Variants in CHL1 observed in about 807,000 individuals in gnomAD.
CHL1 encodes cell adhesion molecule L1 like, also known as neural cell adhesion molecule L1-like protein.
Under a neutral mutation model 141.9 loss-of-function variants are expected in CHL1, and 96 were observed. That is an observed-to-expected ratio of 0.68 (90% CI 0.57 to 0.80). The LOEUF (loss-of-function observed/expected upper bound fraction) is 0.80. CHL1 is among the 30% of genes least tolerant of loss of function. The pLI, the probability that CHL1 is intolerant of heterozygous loss-of-function variation, is 0.00. For synonymous variants in CHL1, 613 were observed against 502.2 expected (o/e 1.22, Z -2.95); for missense variants, 1,820 against 1,457.2 (o/e 1.25, Z -4.05).
intron 2 of CHL1, among the ~76,000 whole-genome samples, chr3:293,698 C>T (rs543991946): frequency 2.0e-4 from 31 of 152,198 alleles, no homozygotes; most frequent in African/African-American, 6.5e-4. Context: ...GTCAAAGATT[C>T]CAAATGATGA....
chr3:311,726 AG>A (rs1699769356), intron 2 of CHL1, among the ~76,000 whole-genome samples: 1 of 152,170 alleles, frequency 6.6e-6, no homozygotes, highest in Admixed American at 6.5e-5. Flanking sequence ...AAATGTGAAA[AG>A]TGGTTACCTG....
At chr3:294,789 C>T (rs564399200) in intron 2 of CHL1, among the ~76,000 whole-genome samples, 10 of 152,270 alleles carry the variant, frequency 6.6e-5, no homozygotes, top group African/African-American at 1.9e-4. Context: ...AAACTGCGGT[C>T]GACCACAATT....
At chr3:234,847 G>T (rs553983405) in intron 1 of CHL1, among the ~76,000 whole-genome samples, 34 of 152,224 alleles carry the variant, frequency 2.2e-4, no homozygotes, top group Non-Finnish European at 4.0e-4. Context: ...AATAAACAAA[G>T]ACCCTTTGTA....
chr3:346,379 G>A (rs939194269), intron 9 of CHL1, among the ~76,000 whole-genome samples: 2 of 152,128 alleles, frequency 1.3e-5, no homozygotes, highest in African/African-American at 4.8e-5. Context: ...CTGCTCTACT[G>A]GTTGTATTTG....
intron 11 of CHL1, among the ~76,000 whole-genome samples, chr3:356,075 A>G (rs1426833471): frequency 2.6e-5 from 4 of 152,218 alleles, no homozygotes; most frequent in Non-Finnish European, 5.9e-5. Context: ...TTGTTTTCCC[A>G]TAACAGACAC....
At chr3:367,088 A>G (rs1036405326) in intron 15 of CHL1, among the ~76,000 whole-genome samples, 2 of 152,256 alleles carry the variant, frequency 1.3e-5, no homozygotes, top group Admixed American at 1.3e-4. Context: ...GAAAGTGTGA[A>G]TGGATGCTTA....
intron 1 of CHL1, among the ~76,000 whole-genome samples, chr3:212,559 C>T (rs1211670111): frequency 2.0e-5 from 3 of 152,180 alleles, no homozygotes; most frequent in Admixed American, 6.5e-5. Context: ...CATGTCACCG[C>T]TAAAATCCCC....
chr3:235,698 G>C (rs1691900859), intron 1 of CHL1, among the ~76,000 whole-genome samples: 1 of 152,052 alleles, frequency 6.6e-6, no homozygotes, highest in Non-Finnish European at 1.5e-5. Flanking sequence ...ATCTCTATTT[G>C]CATTAGAAAG....
intron 12 of CHL1, 133 bp from the exon 13 acceptor site, chr3:361,566 A>G (rs1704254394): frequency 1.3e-5 from 8 of 604,972 alleles, no homozygotes; most frequent in Admixed American, 2.7e-5. Flanking sequence ...GGATACTTCT[A>G]TAATTCAAAA....
chr3:222,251 C>A (rs1195458573), intron 1 of CHL1, among the ~76,000 whole-genome samples: 1 of 152,146 alleles, frequency 6.6e-6, no homozygotes, highest in African/African-American at 2.4e-5. Context: ...TCTAGAAGCT[C>A]TAGGGGAGAA....
rs1360070769 is a variant in CHL1 at position 342,088 on chromosome 3, T to A, written c.679+6T>A. 1 of 1,599,644 alleles carries A rather than the reference T, an allele frequency of 6.3e-7. No homozygotes were observed. The highest frequency in any genetic ancestry group is 8.6e-7 in the Non-Finnish European group (1 of 1,168,774). On this transcript the variant is annotated splice_donor_region_variant and intron_variant, in intron 7 of 27. Transcript: ENST00000256509. ...GAAACTAACAGTTAACAGTTGTAAG[T>A]CCACATAATTTATCGTTTCATCATG...
chr3:214,572 C>G (rs954163874), intron 1 of CHL1, among the ~76,000 whole-genome samples: 1 of 152,094 alleles, frequency 6.6e-6, no homozygotes, highest in Non-Finnish European at 1.5e-5. Context: ...CTATTTTATA[C>G]ATTGCATTTT....
chr3:394,204 T>C (rs1003316978), intron 23 of CHL1, among the ~76,000 whole-genome samples: 1 of 152,204 alleles, frequency 6.6e-6, no homozygotes, highest in African/African-American at 2.4e-5. Flanking sequence ...ATTCTATGTA[T>C]ACTGAGTAGC....
At chr3:197,768 CG>C (rs1698490136) in intron 1 of CHL1, 2 of 455,506 alleles carry the variant, frequency 4.4e-6, no homozygotes, top group South Asian at 3.1e-5. Context: ...GAGGGCGCGC[CG>C]GGGGCCGTGG....
intron 11 of CHL1, among the ~76,000 whole-genome samples, chr3:359,851 G>A (rs942356143): frequency 3.3e-5 from 5 of 152,176 alleles, no homozygotes; most frequent in Admixed American, 2.6e-4. Flanking sequence ...GAACAAAAGC[G>A]TCAAGGGGGA....
intron 2 of CHL1, chr3:246,586 TTCCTCCCAGAATACCCAA>T (rs1358697954): frequency 6.6e-6 from 1 of 152,078 alleles, no homozygotes; most frequent in Non-Finnish European, 1.5e-5. Flanking sequence ...GTTTGGAAAT[TTCCTCCCAGAATACCCAA>T]CCTCTCAAGA....
intron 15 of CHL1, among the ~76,000 whole-genome samples, chr3:372,591 C>T (rs1030711840): frequency 1.3e-5 from 2 of 152,100 alleles, no homozygotes; most frequent in East Asian, 3.9e-4. Context: ...ATTACCCATC[C>T]TCTGAAGCCT....
intron 9 of CHL1, 106 bp downstream of exon 9, chr3:344,815 C>T (rs539750702): frequency 3.3e-6 from 4 of 1,211,146 alleles, no homozygotes; most frequent in Non-Finnish European, 4.6e-6. Flanking sequence ...AAAATTATTT[C>T]CTTAAAAAAA....
intron 2 of CHL1, among the ~76,000 whole-genome samples, chr3:265,132 G>A (rs1289625103): frequency 6.6e-6 from 1 of 152,206 alleles, no homozygotes; most frequent in Non-Finnish European, 1.5e-5. Context: ...CATAGGATAT[G>A]TTATTTAATT....
Sources: gnomAD v4.1 joint callset for allele counts (sites outside exome capture counted in the v4.1 genomes callset) on GRCh38, gnomAD v4.1.1 for gene constraint, MANE v1.5 for transcripts, NCBI Gene and HGNC (gene_info 2026-07-23, HGNC 2026-07-21) for gene names.